The following PINX1 variants were observed in gnomAD, a reference collection of about 807,000 sequenced individuals.
PINX1 encodes PIN2/TERF1-interacting telomerase inhibitor 1.
Under a neutral mutation model 25.4 loss-of-function variants are expected in PINX1, and 34 were observed. That is an observed-to-expected ratio of 1.34 (90% CI 1.02 to 1.78). The LOEUF (loss-of-function observed/expected upper bound fraction) is 1.78, where lower values mean the gene tolerates loss of function less well. Among genes scored for constraint, PINX1 ranks in the 40% most tolerant of loss-of-function variants. The pLI, the probability that PINX1 is intolerant of heterozygous loss-of-function variation, is 0.00. For synonymous variants in PINX1, 197 were observed against 147.7 expected, an observed-to-expected ratio of 1.33 and a Z score of -2.42; for missense variants, 592 against 404.9, an observed-to-expected ratio of 1.46 and a Z score of -3.97.
chr8:10,812,479 G>A (rs1797558717), intron 6 of PINX1, among the ~76,000 whole-genome samples: 1 of 152,186 alleles, frequency 6.6e-6, no homozygotes, highest in Admixed American at 6.5e-5. Flanking sequence ...CACTCCCAAG[G>A]AGACGTGCAC....
intron 6 of PINX1, among the ~76,000 whole-genome samples, chr8:10,808,338 T>A (rs4240670): frequency 0.64 from 97,032 of 152,072 alleles, 32,158 homozygotes; most frequent in African/African-American, 0.81. Context: ...TTGAAAGTGC[T>A]GTAGGGAGGA....
chr8:10,804,369 C>G (rs1483920266), intron 6 of PINX1, among the ~76,000 whole-genome samples: 1 of 152,168 alleles, frequency 6.6e-6, no homozygotes, highest in Admixed American at 6.5e-5. Context: ...GAGGCAGCAG[C>G]AGAGTGGGTG....
intron 6 of PINX1, among the ~76,000 whole-genome samples, chr8:10,805,060 A>C (rs1056278134): frequency 6.6e-6 from 1 of 152,198 alleles, no homozygotes; most frequent in African/African-American, 2.4e-5. Flanking sequence ...GTTTCCACTA[A>C]TCTTTCCCAA....
chr8:10,832,655 C>G (rs1286801817), intron 3 of PINX1, among the ~76,000 whole-genome samples: 1 of 152,170 alleles, frequency 6.6e-6, no homozygotes, highest in Non-Finnish European at 1.5e-5. Context: ...AGAAACAAAA[C>G]TTTTCAGTTT....
At position 10,839,869 on chromosome 8, in the gene PINX1, A is replaced by T; in HGVS notation, c.-113T>A. 3 of 1,061,638 alleles carry T rather than the reference A, an allele frequency of 2.8e-6. No homozygotes were observed. The highest frequency in any genetic ancestry group is 2.6e-5 in the Admixed American group (1 of 38,438). 65.8% of individuals were successfully genotyped at this position (1,061,638 alleles called of 1,614,324 possible). On this transcript the variant is annotated 5_prime_UTR_variant, in exon 1 of 7. Coordinates refer to ENST00000314787, the MANE Select transcript of PINX1 (RefSeq NM_017884.6). ...CGTAACTCCCTCGCCGGCGGACTGC[A>T]GCGGACGGGGCGCGTGCTGGTGACG...
intron 6 of PINX1, among the ~76,000 whole-genome samples, chr8:10,792,091 C>A (rs139795267): frequency 6.6e-6 from 1 of 152,304 alleles, no homozygotes; most frequent in East Asian, 1.9e-4. Flanking sequence ...CTATTGGAGT[C>A]TGAGTCTCTG....
chr8:10,804,042 T>C (rs556242454), intron 6 of PINX1, among the ~76,000 whole-genome samples: 2 of 152,300 alleles, frequency 1.3e-5, no homozygotes, highest in East Asian at 3.9e-4. Flanking sequence ...AGTGAGCAAC[T>C]ACTAACGACC....
At chr8:10,794,661 G>A (rs980953750) in intron 6 of PINX1, among the ~76,000 whole-genome samples, 3 of 152,096 alleles carry the variant, frequency 2.0e-5, no homozygotes, top group African/African-American at 7.2e-5. Context: ...TCCTGACCTT[G>A]TGATCCGTCC....
chr8:10,774,330 G>A (rs1415789971), intron 6 of PINX1, among the ~76,000 whole-genome samples: 1 of 151,080 alleles, frequency 6.6e-6, no homozygotes, highest in African/African-American at 2.4e-5. Context: ...TGCCCAGGCT[G>A]GAATGCAATG....
chr8:10,790,946 AC>A (rs1348603659), intron 6 of PINX1, among the ~76,000 whole-genome samples: 10 of 152,066 alleles, frequency 6.6e-5, no homozygotes, highest in Admixed American at 5.9e-4. Flanking sequence ...AGAGTATCCC[AC>A]CGTTGCCTCG....
At chr8:10,766,692 C>A (rs147199468) in intron 6 of PINX1, among the ~76,000 whole-genome samples, 1 of 152,200 alleles carries the variant, frequency 6.6e-6, no homozygotes, top group South Asian at 2.1e-4. Context: ...GAGTTACTCA[C>A]ACATAACAGC....
chr8:10,800,161 G>C (rs1802221227), intron 6 of PINX1, among the ~76,000 whole-genome samples: 1 of 152,178 alleles, frequency 6.6e-6, no homozygotes, highest in Non-Finnish European at 1.5e-5. Context: ...CTTCCACAAA[G>C]TGAGACCTTG....
chr8:10,808,485 C>T (rs1182911887), intron 6 of PINX1, among the ~76,000 whole-genome samples: 1 of 152,194 alleles, frequency 6.6e-6, no homozygotes, highest in African/African-American at 2.4e-5. Flanking sequence ...CACATAATCG[C>T]TATCTATGAG....
intron 6 of PINX1, among the ~76,000 whole-genome samples, chr8:10,776,614 G>A (rs533640813): frequency 4.6e-5 from 7 of 152,076 alleles, no homozygotes; most frequent in South Asian, 4.2e-4. Context: ...CTGAACTCCC[G>A]CCTCAAGCTG....
At chr8:10,804,492 G>A (rs1802374612) in intron 6 of PINX1, among the ~76,000 whole-genome samples, 1 of 152,110 alleles carries the variant, frequency 6.6e-6, no homozygotes, top group South Asian at 2.1e-4. Flanking sequence ...TGTGTGTTAA[G>A]GGAGCTGCAT....
chr8:10,836,146 G>C (rs940631436), intron 1 of PINX1, among the ~76,000 whole-genome samples: 4 of 152,100 alleles, frequency 2.6e-5, no homozygotes, highest in African/African-American at 9.7e-5. Flanking sequence ...GGGGCTCACT[G>C]TGGCACACAT....
intron 6 of PINX1, among the ~76,000 whole-genome samples, chr8:10,780,116 G>A (rs1801537363): frequency 6.6e-6 from 1 of 152,136 alleles, no homozygotes. Flanking sequence ...ACAGTTTTCT[G>A]GTAGTCTTTG....
Position 10,813,629 on chromosome 8 carries a change from A to G in PINX1, c.471+6564T>C, listed in dbSNP as rs928531456. Among the ~76,000 whole-genome samples the G allele has an allele frequency of 3.6e-4, 55 of 152,170 alleles. 1 individual carries two copies. Among genetic ancestry groups the G allele is most frequent in the Admixed American group, 3.9e-4 (6 of 15,280 alleles). On this transcript the variant is annotated intron_variant, in intron 6 of 6. Transcript: ENST00000314787. The stretch of plus-strand genomic sequence containing the variant: ...TCAAAAAGCAAAAGCCAGCAGAAGA[A>G]TTTCAAGGAAAATGATTATTGATTT...
intron 6 of PINX1, among the ~76,000 whole-genome samples, chr8:10,810,566 T>A (rs1328573138): frequency 1.3e-5 from 2 of 152,136 alleles, no homozygotes; most frequent in Non-Finnish European, 2.9e-5. Flanking sequence ...ACCCACTCCA[T>A]GCCAGGCATA....
Sources: gnomAD v4.1 joint callset for allele counts (sites outside exome capture counted in the v4.1 genomes callset) on GRCh38, gnomAD v4.1.1 for gene constraint, MANE v1.5 for transcripts, NCBI Gene and HGNC (gene_info 2026-07-23, HGNC 2026-07-21) for gene names.